The following GRM3 variants were observed in gnomAD, a reference collection of about 807,000 sequenced individuals.
The protein encoded by GRM3 is glutamate metabotropic receptor 3, also known as metabotropic glutamate receptor 3.
GRM3 carries 26 observed loss-of-function variants against 70.5 expected under a neutral mutation model. The ratio of observed to expected loss-of-function variants is 0.37; its 90% CI spans 0.27 to 0.51. GRM3 has a LOEUF of 0.51. GRM3 is among the 20% of genes least tolerant of loss of function. The pLI is 0.93. For missense variants in GRM3, 859 were observed against 1,123.8 expected, an observed-to-expected ratio of 0.76 and a Z score of 3.37; for synonymous variants, 443 against 434.9, an observed-to-expected ratio of 1.02 and a Z score of -0.23.
chr7:86,687,427 CA>C, intron 1 of GRM3, among the ~76,000 whole-genome samples: 1 of 151,820 alleles, frequency 6.6e-6, no homozygotes, highest in Non-Finnish European at 1.5e-5. Context: ...ACCAATTCTT[CA>C]ACAGAAAAAT....
intron 1 of GRM3, among the ~76,000 whole-genome samples, chr7:86,733,063 C>T (rs1795773443): frequency 6.6e-6 from 1 of 152,008 alleles, no homozygotes; most frequent in African/African-American, 2.4e-5. Flanking sequence ...GCCTGTAATC[C>T]CAGCACTTTG....
chr7:86,722,879 T>C (rs896920120), intron 1 of GRM3, among the ~76,000 whole-genome samples: 146 of 152,258 alleles, frequency 9.6e-4, no homozygotes, highest in Middle Eastern at 3.4e-3. Context: ...TTGGTAGTCT[T>C]AACATGCTAG....
chr7:86,796,125 A>G (rs1192960443), intron 3 of GRM3, among the ~76,000 whole-genome samples: 3 of 152,190 alleles, frequency 2.0e-5, no homozygotes, highest in African/African-American at 7.2e-5. Flanking sequence ...TTTTAATCAT[A>G]CAATCTTTGC....
intron 1 of GRM3, among the ~76,000 whole-genome samples, chr7:86,760,548 A>G (rs1031890886): frequency 2.6e-5 from 4 of 152,118 alleles, no homozygotes; most frequent in African/African-American, 9.7e-5. Flanking sequence ...AATGAAAAGA[A>G]CCGGAAAAGA....
At chr7:86,826,856 G>A (rs148025931) in intron 3 of GRM3, among the ~76,000 whole-genome samples, 7 of 152,140 alleles carry the variant, frequency 4.6e-5, no homozygotes, top group South Asian at 2.1e-4. Context: ...CAATTCCCCC[G>A]CCCCCTTGGC....
chr7:86,831,173 A>T (rs1397550931), intron 3 of GRM3, among the ~76,000 whole-genome samples: 1 of 152,220 alleles, frequency 6.6e-6, no homozygotes, highest in Non-Finnish European at 1.5e-5. Context: ...GTAGAAAGTA[A>T]GATAGTGATT....
chr7:86,703,757 T>G (rs1794996378), intron 1 of GRM3, among the ~76,000 whole-genome samples: 1 of 151,774 alleles, frequency 6.6e-6, no homozygotes, highest in South Asian at 2.1e-4. Context: ...AACATCAGAG[T>G]TCCATTGAGT....
chr7:86,694,385 G>A (rs986067231), intron 1 of GRM3, among the ~76,000 whole-genome samples: 1 of 151,580 alleles, frequency 6.6e-6, no homozygotes, highest in Non-Finnish European at 1.5e-5. Context: ...GGTGGTGGGT[G>A]CCTGTAGTCC....
In GRM3 at chr7:86,728,486, C is replaced by T. The variant is rs192403715; in HGVS notation, c.-140-36520C>T. Among the ~76,000 whole-genome samples, 32 of 152,332 alleles carry T rather than the reference C, an allele frequency of 2.1e-4. No homozygotes were observed. The East Asian group carries it at 6.0e-3, about 28-fold the overall frequency. ...AACTATAGTCAACTCAGCCTCATCC[C>T]TTCCTTCTCCAGGCAATGGGGCTGT... On this transcript the variant is annotated intron_variant, in intron 1 of 5. Transcript: ENST00000361669.
At chr7:86,824,043 T>C (rs1453935109) in intron 3 of GRM3, among the ~76,000 whole-genome samples, 1 of 152,076 alleles carries the variant, frequency 6.6e-6, no homozygotes, top group Non-Finnish European at 1.5e-5. Context: ...AGACTGGAAG[T>C]GCAAAGGAGC....
At chr7:86,726,915 T>A (rs1376554621) in intron 1 of GRM3, among the ~76,000 whole-genome samples, 1 of 152,108 alleles carries the variant, frequency 6.6e-6, no homozygotes, top group African/African-American at 2.4e-5. Context: ...AAGTTTGAAA[T>A]GGACAACTTT....
At chr7:86,783,025 G>C (rs1229334478) in intron 2 of GRM3, among the ~76,000 whole-genome samples, 1 of 152,074 alleles carries the variant, frequency 6.6e-6, no homozygotes, top group East Asian at 1.9e-4. Context: ...CAGTGTAGGA[G>C]TTCCTTTATT....
At chr7:86,809,214 A>G (rs1054720895) in intron 3 of GRM3, among the ~76,000 whole-genome samples, 1 of 152,114 alleles carries the variant, frequency 6.6e-6, no homozygotes, top group Admixed American at 6.6e-5. Flanking sequence ...ATCCAAATTA[A>G]GCACAGTTAA....
chr7:86,717,503 C>T (rs564158488), intron 1 of GRM3, among the ~76,000 whole-genome samples: 69 of 152,076 alleles, frequency 4.5e-4, no homozygotes, highest in African/African-American at 1.6e-3. Flanking sequence ...AAATAAGAAT[C>T]TAACTTTGTC....
intron 2 of GRM3, among the ~76,000 whole-genome samples, chr7:86,767,044 C>G (rs1390196545): frequency 6.6e-6 from 1 of 151,918 alleles, no homozygotes. Context: ...AACCCTGTCT[C>G]TATCAAAAAT....
intron 3 of GRM3, among the ~76,000 whole-genome samples, chr7:86,837,239 T>C (rs1798474070): frequency 6.6e-6 from 1 of 152,172 alleles, no homozygotes; most frequent in Non-Finnish European, 1.5e-5. Flanking sequence ...GGCTATTTTG[T>C]AAAATATAAA....
intron 1 of GRM3, among the ~76,000 whole-genome samples, chr7:86,695,388 G>A (rs78550846): frequency 0.094 from 14,339 of 151,986 alleles, 763 homozygotes; most frequent in South Asian, 0.15. Context: ...GTTCAGTTTC[G>A]AATATATATA....
At chr7:86,747,131 T>C (rs1796121787) in intron 1 of GRM3, among the ~76,000 whole-genome samples, 1 of 152,096 alleles carries the variant, frequency 6.6e-6, no homozygotes, top group Non-Finnish European at 1.5e-5. Context: ...CCATTATACA[T>C]TTAATTAGCC....
intron 1 of GRM3, among the ~76,000 whole-genome samples, chr7:86,717,681 C>T (rs774180003): frequency 5.3e-5 from 8 of 151,850 alleles, no homozygotes; most frequent in African/African-American, 1.9e-4. Flanking sequence ...AGGCAAACCA[C>T]AGAAGTGGGA....
Sources: allele counts gnomAD v4.1 joint callset (sites outside exome capture counted in the v4.1 genomes callset), GRCh38; gene constraint gnomAD v4.1.1; transcripts MANE v1.5; gene names NCBI Gene and HGNC (gene_info 2026-07-23, HGNC 2026-07-21).